MDGA2: variants seen among roughly 807,000 people sequenced by gnomAD.
MDGA2 encodes the protein MAM domain containing glycosylphosphatidylinositol anchor 2.
MDGA2 carries 40 observed loss-of-function variants against 117.8 expected under a neutral mutation model. The ratio of observed to expected loss-of-function variants is 0.34; its 90% CI spans 0.26 to 0.44. The LOEUF is 0.44. Ranked by LOEUF, MDGA2 falls within the 20% of genes least tolerant of loss-of-function variation. MDGA2 has a pLI of 1.00. For synonymous variants in MDGA2, 452 were observed against 439.0 expected (o/e 1.03, Z -0.37); for missense variants, 1,123 against 1,250.6 (o/e 0.90, Z 1.54).
At chr14:47,379,650 T>C (rs1891566207) in intron 1 of MDGA2, among the ~76,000 whole-genome samples, 2 of 152,080 alleles carry the variant, frequency 1.3e-5, no homozygotes, top group African/African-American at 4.8e-5. Context: ...GGCAAAGGGA[T>C]CAATTCAACG....
At chr14:47,360,396 A>T (rs953678303) in intron 1 of MDGA2, among the ~76,000 whole-genome samples, 1 of 150,546 alleles carries the variant, frequency 6.6e-6, no homozygotes, top group Non-Finnish European at 1.5e-5. Flanking sequence ...TAAATAAAAT[A>T]AAATAAAAAA....
At position 47,235,829 on chromosome 14, in the gene MDGA2, T is replaced by G. The variant is rs912343303; in HGVS notation, c.421-17634A>C. Among the ~76,000 whole-genome samples, 3 of 152,258 alleles carry G rather than the reference T, an allele frequency of 2.0e-5. No homozygotes were observed. The South Asian group carries it at 6.2e-4, about 32-fold the overall frequency. The stretch of plus-strand genomic sequence containing the variant: ...CCTGTTTCCCATATATCTAGACTCA[T>G]GCCGAGAGGAACTAACTTTCCCACA... On this transcript the variant is annotated intron_variant, in intron 2 of 16. Transcript: ENST00000399232.
At chr14:47,064,764 C>A (rs1430526289) in intron 6 of MDGA2, among the ~76,000 whole-genome samples, 1 of 152,092 alleles carries the variant, frequency 6.6e-6, no homozygotes, top group Non-Finnish European at 1.5e-5. Context: ...AGTTAATCAA[C>A]TGGGCAGCAG....
At chr14:47,003,074 GAATT>G (rs748423050) in intron 8 of MDGA2, among the ~76,000 whole-genome samples, 24 of 152,006 alleles carry the variant, frequency 1.6e-4, no homozygotes, top group Non-Finnish European at 2.8e-4. Flanking sequence ...GCATTTTCTA[GAATT>G]AATGCAACTT....
Position 47,301,550 on chromosome 14 carries a change from G to A in MDGA2, c.281C>T (p.Ala94Val). The A allele has an allele frequency of 6.4e-7, 1 of 1,551,592 alleles. No homozygotes were observed. Among genetic ancestry groups the A allele is most frequent in the Non-Finnish European group, 8.7e-7 (1 of 1,146,932 alleles). ...LEGISGQGVY[A>V]PPTVRIVHSG... The stretch of plus-strand genomic sequence containing the variant: ...GTGCACAATACGAACCGTGGGAGGA[G>A]CTGTCGAGTCAGGAAGAAGAGAGAC... The change falls in exon 2 of 17, where the codon GCT (alanine) becomes GTT (valine). Residue 94 changes from alanine to valine, a missense_variant and splice_region_variant. Physicochemically the swap from Ala to Val is moderately conservative, Grantham distance 64. Transcript: ENST00000399232.
intron 14 of MDGA2, among the ~76,000 whole-genome samples, chr14:46,868,355 G>T (rs1355007451): frequency 3.3e-5 from 5 of 151,918 alleles, no homozygotes; most frequent in Admixed American, 6.6e-5. Flanking sequence ...GGGAGTACTT[G>T]AATATTTACA....
At chr14:47,163,628 T>G (rs1257392154) in intron 3 of MDGA2, among the ~76,000 whole-genome samples, 1 of 152,208 alleles carries the variant, frequency 6.6e-6, no homozygotes, top group Admixed American at 6.5e-5. Flanking sequence ...CTCCGTCTTT[T>G]GTAAATTGCC....
At chr14:47,162,224 C>A (rs1255082427) in intron 3 of MDGA2, among the ~76,000 whole-genome samples, 1 of 152,086 alleles carries the variant, frequency 6.6e-6, no homozygotes. Context: ...GGATTACAGG[C>A]ATAAGCCACC....
chr14:47,661,300 A>T (rs563690266), intron 1 of MDGA2, among the ~76,000 whole-genome samples: 20 of 152,330 alleles, frequency 1.3e-4, no homozygotes, highest in African/African-American at 4.6e-4. Context: ...CAGATTTTGC[A>T]TCTATCTCAT....
At chr14:46,981,587 A>G (rs1024428039) in intron 8 of MDGA2, among the ~76,000 whole-genome samples, 19 of 152,174 alleles carry the variant, frequency 1.2e-4, no homozygotes, top group Non-Finnish European at 2.8e-4. Context: ...TACAATAGAT[A>G]AGTTTAATAG....
At chr14:47,151,919 T>C (rs1330624805) in intron 3 of MDGA2, among the ~76,000 whole-genome samples, 1 of 152,096 alleles carries the variant, frequency 6.6e-6, no homozygotes, top group African/African-American at 2.4e-5. Flanking sequence ...AAGATTAATC[T>C]GTCATGAATA....
intron 1 of MDGA2, among the ~76,000 whole-genome samples, chr14:47,335,731 A>ATT (rs869042519): frequency 0.078 from 2,490 of 31,996 alleles, 100 homozygotes; most frequent in Non-Finnish European, 0.11. Context: ...GCACACATAT[A>ATT]TTTTATATAT....
intron 1 of MDGA2, among the ~76,000 whole-genome samples, chr14:47,405,937 C>T (rs1287813189): frequency 6.6e-6 from 1 of 152,040 alleles, no homozygotes; most frequent in Non-Finnish European, 1.5e-5. Context: ...CAATTGAAAA[C>T]CTTAAGGATT....
intron 8 of MDGA2, among the ~76,000 whole-genome samples, chr14:46,975,598 A>T (rs1886425467): frequency 3.9e-5 from 6 of 152,164 alleles, no homozygotes. Context: ...TAACAAAAAG[A>T]CAAATACTTT....
chr14:47,081,525 A>G (rs1954230), intron 6 of MDGA2, among the ~76,000 whole-genome samples: 129,143 of 152,092 alleles, frequency 0.85, 55,243 homozygotes, highest in East Asian at 0.97. Flanking sequence ...CAGAGAATTT[A>G]GACACATGTG....
At chr14:47,248,824 A>T (rs1231596974) in intron 2 of MDGA2, among the ~76,000 whole-genome samples, 1 of 152,152 alleles carries the variant, frequency 6.6e-6, no homozygotes, top group East Asian at 1.9e-4. Flanking sequence ...TTTGAAAAAA[A>T]ATTCAATTAA....
At chr14:47,564,431 G>A (rs187879315) in intron 1 of MDGA2, among the ~76,000 whole-genome samples, 1 of 152,258 alleles carries the variant, frequency 6.6e-6, no homozygotes, top group Admixed American at 6.5e-5. Context: ...GGAAGAGCAG[G>A]TCACGTCTTT....
At chr14:47,446,020 T>A (rs1285799430) in intron 1 of MDGA2, among the ~76,000 whole-genome samples, 2 of 152,186 alleles carry the variant, frequency 1.3e-5, no homozygotes, top group Non-Finnish European at 2.9e-5. Flanking sequence ...GCACATAGCT[T>A]TGTAGTCTTA....
At chr14:47,399,304 T>A (rs947222399) in intron 1 of MDGA2, among the ~76,000 whole-genome samples, 1 of 151,822 alleles carries the variant, frequency 6.6e-6, no homozygotes, top group African/African-American at 2.4e-5. Context: ...AAATTCATTG[T>A]CCCCCAGTTA....
Sources: allele counts gnomAD v4.1 joint callset (sites outside exome capture counted in the v4.1 genomes callset), GRCh38; gene constraint gnomAD v4.1.1; transcripts MANE v1.5; gene names NCBI Gene and HGNC (gene_info 2026-07-23, HGNC 2026-07-21).